The following CSMD3 variants were observed in gnomAD, a reference collection of about 807,000 sequenced individuals.
The protein encoded by CSMD3 is CUB and sushi domain-containing protein 3.
In CSMD3, 177 loss-of-function variants were observed where a neutral mutation model predicts 435.2. The ratio of observed to expected loss-of-function variants is 0.41; its 90% CI spans 0.36 to 0.46. The LOEUF (loss-of-function observed/expected upper bound fraction) is 0.46. Among genes scored for constraint, CSMD3 ranks in the 20% least tolerant of loss-of-function variants. The pLI, the probability that CSMD3 is intolerant of heterozygous loss-of-function variation, is 0.34. For missense variants in CSMD3, 4,265 were observed against 4,504.6 expected (o/e 0.95, Z 1.52); for synonymous variants, 1,656 against 1,520.5 (o/e 1.09, Z -2.07).
intron 53 of CSMD3, among the ~76,000 whole-genome samples, chr8:112,300,265 T>C (rs1320778967): frequency 7.0e-6 from 1 of 142,578 alleles, no homozygotes; most frequent in Non-Finnish European, 1.5e-5. Context: ...TACTTGAGTA[T>C]GTATAAATAT....
At chr8:113,348,484 C>G (rs2094166866) in intron 1 of CSMD3, among the ~76,000 whole-genome samples, 1 of 152,020 alleles carries the variant, frequency 6.6e-6, no homozygotes, top group African/African-American at 2.4e-5. Context: ...AAAGATGCCT[C>G]TCTTTACTAG....
At chr8:112,643,960 C>A (rs943632287) in intron 20 of CSMD3, among the ~76,000 whole-genome samples, 1 of 151,766 alleles carries the variant, frequency 6.6e-6, no homozygotes, top group Non-Finnish European at 1.5e-5. Flanking sequence ...GTAATAACAT[C>A]TTCTCATTGC....
At chr8:112,491,948 C>T (rs530977661) in intron 31 of CSMD3, among the ~76,000 whole-genome samples, 2 of 152,090 alleles carry the variant, frequency 1.3e-5, no homozygotes, top group African/African-American at 4.8e-5. Context: ...TTTTTCCTTT[C>T]TTATATAGAG....
At chr8:113,012,452 T>A (rs1000242890) in intron 6 of CSMD3, among the ~76,000 whole-genome samples, 7 of 151,976 alleles carry the variant, frequency 4.6e-5, no homozygotes, top group Admixed American at 2.6e-4. Context: ...GTAATCCCCA[T>A]GTGTTGAGGG....
At chr8:113,134,259 T>C (rs1450172155) in intron 4 of CSMD3, among the ~76,000 whole-genome samples, 1 of 152,102 alleles carries the variant, frequency 6.6e-6, no homozygotes, top group Non-Finnish European at 1.5e-5. Flanking sequence ...CTTCTACTAC[T>C]CCTTTCTGTA....
chr8:112,455,241 T>C (rs1304645460), intron 32 of CSMD3, among the ~76,000 whole-genome samples: 1 of 152,104 alleles, frequency 6.6e-6, no homozygotes, highest in African/African-American at 2.4e-5. Context: ...TTACACATCA[T>C]GTAATAATAT....
At chr8:112,855,847 T>A (rs909260708) in intron 11 of CSMD3, among the ~76,000 whole-genome samples, 1 of 141,808 alleles carries the variant, frequency 7.1e-6, no homozygotes, top group Non-Finnish European at 1.5e-5. Context: ...GATCTGTCCC[T>A]GAGGAGCTAT....
At chr8:112,606,121 G>C (rs1466511070) in intron 22 of CSMD3, among the ~76,000 whole-genome samples, 5 of 152,074 alleles carry the variant, frequency 3.3e-5, no homozygotes, top group Non-Finnish European at 4.4e-5. Flanking sequence ...CCAGCAGACT[G>C]TGGCATCATA....
intron 32 of CSMD3, among the ~76,000 whole-genome samples, chr8:112,442,798 T>G (rs1815175895): frequency 6.6e-6 from 1 of 152,190 alleles, no homozygotes; most frequent in Admixed American, 6.5e-5. Flanking sequence ...CTTTGTTTCA[T>G]TCATTTCACC....
chr8:112,863,964 G>A (rs1765990380), intron 10 of CSMD3, among the ~76,000 whole-genome samples: 1 of 152,002 alleles, frequency 6.6e-6, no homozygotes, highest in Non-Finnish European at 1.5e-5. Flanking sequence ...TTAAAGATTA[G>A]AACAAAATGT....
chr8:112,442,874 A>T (rs1815186743), intron 32 of CSMD3, among the ~76,000 whole-genome samples: 1 of 152,200 alleles, frequency 6.6e-6, no homozygotes, highest in African/African-American at 2.4e-5. Context: ...GACAAGGCCA[A>T]CAGCCTGGCC....
At chr8:112,558,405 A>G (rs1311387649) in intron 24 of CSMD3, among the ~76,000 whole-genome samples, 1 of 151,818 alleles carries the variant, frequency 6.6e-6, no homozygotes. Context: ...CCCATTCTCA[A>G]TCTATTACTG....
At chr8:112,941,372 G>A (rs1271966006) in intron 9 of CSMD3, among the ~76,000 whole-genome samples, 1 of 151,770 alleles carries the variant, frequency 6.6e-6, no homozygotes, top group South Asian at 2.1e-4. Context: ...AAGCTCTGCT[G>A]GTGTTGAAGT....
intron 6 of CSMD3, among the ~76,000 whole-genome samples, chr8:113,001,018 T>G (rs887996520): frequency 2.0e-5 from 3 of 151,996 alleles, no homozygotes; most frequent in African/African-American, 7.2e-5. Context: ...GCTCATAATT[T>G]CTTCTTTTTT....
chr8:112,612,006 C>T (rs1284619889), intron 22 of CSMD3, among the ~76,000 whole-genome samples: 2 of 152,118 alleles, frequency 1.3e-5, no homozygotes, highest in South Asian at 2.1e-4. Context: ...CTTTGTGATG[C>T]GCTAAGTGCC....
At chr8:112,576,916 A>C in intron 23 of CSMD3, among the ~76,000 whole-genome samples, 1 of 151,956 alleles carries the variant, frequency 6.6e-6, no homozygotes, top group East Asian at 1.9e-4. Context: ...AGGGCATGAT[A>C]AAAGAGCTAG....
intron 12 of CSMD3, among the ~76,000 whole-genome samples, chr8:112,816,469 AT>A (rs1210772059): frequency 2.0e-5 from 3 of 152,172 alleles, no homozygotes; most frequent in African/African-American, 7.2e-5. Flanking sequence ...TCTCTAAAAA[AT>A]ATCACCTTTC....
In CSMD3 at chr8:112,304,782, G is replaced by T. The variant is rs2130777518; in HGVS notation, c.8205C>A (p.Ala2735=). The part of the protein sequence containing the change: ...CDPGYHGLGP[A]SIECLPNGTW... ...TACCATTAGGAAGACATTCGATGGA[G>T]GCAGGACCTAGTCCATGATAACCAG... is the stretch of plus-strand genomic sequence containing the variant. Residue 2735 remains alanine (A), a synonymous_variant, in exon 52 of 71, where the codon GCC becomes GCA. Coordinates refer to ENST00000297405, the MANE Select transcript of CSMD3 (RefSeq NM_198123.2). The T allele has an allele frequency of 6.2e-7, 1 of 1,613,820 alleles. No individual in the cohort carries two copies. The highest frequency in any genetic ancestry group is 8.5e-7 in the Non-Finnish European group (1 of 1,179,802).
At chr8:113,129,828 T>C (rs2091238877) in intron 4 of CSMD3, among the ~76,000 whole-genome samples, 2 of 152,054 alleles carry the variant, frequency 1.3e-5, no homozygotes, top group Admixed American at 1.3e-4. Context: ...GACCACATAA[T>C]GAAACCTGGA....
Sources: allele counts gnomAD v4.1 joint callset (sites outside exome capture counted in the v4.1 genomes callset), GRCh38; gene constraint gnomAD v4.1.1; transcripts MANE v1.5; gene names NCBI Gene and HGNC (gene_info 2026-07-23, HGNC 2026-07-21).